Variants in CCT3 observed in about 807,000 individuals in gnomAD.
The protein encoded by CCT3 is T-complex protein 1 subunit gamma.
A neutral mutation model predicts 65.3 loss-of-function variants in CCT3; 10 were observed. The observed-to-expected ratio is 0.15, with a 90% CI of 0.09 to 0.26. The LOEUF is 0.26. Ranked by LOEUF, CCT3 falls within the 10% of genes least tolerant of loss-of-function variation. The probability of loss-of-function intolerance (pLI) is 1.00; values close to 1 mark genes in which losing one functional copy is unlikely to be tolerated. For synonymous variants in CCT3, 225 were observed against 242.3 expected, an observed-to-expected ratio of 0.93 and a Z score of 0.66; for missense variants, 626 against 708.7, an observed-to-expected ratio of 0.88 and a Z score of 1.33.
intron 4 of CCT3, among the ~76,000 whole-genome samples, chr1:156,334,362 T>C (rs1558274670): frequency 6.6e-6 from 1 of 152,036 alleles, no homozygotes; most frequent in Non-Finnish European, 1.5e-5. Flanking sequence ...TGAATTAGGG[T>C]GGGCTCGAAG....
At position 156,317,089 on chromosome 1, in the gene CCT3, G is replaced by C. The variant is rs930833022; in HGVS notation, c.974+77C>G. ...CTATATCCTTTATTAAACCTTTTCAGGTAATGATGACTGTTACGCAACTAC... is the reference window on the plus strand; with the variant it reads ...CTATATCCTTTATTAAACCTTTTCACGTAATGATGACTGTTACGCAACTAC... On this transcript the variant is annotated intron_variant, in intron 10 of 13. Coordinates refer to ENST00000295688, the MANE Select transcript of CCT3 (RefSeq NM_005998.5). The C allele has an allele frequency of 1.4e-5, 18 of 1,244,276 alleles. No homozygotes were observed. The African/African-American group carries it at 2.5e-4, about 17-fold the overall frequency. The allele number at this position is 1,244,276 out of a possible 1,614,324, so 77.1% of individuals were successfully genotyped here.
At chr1:156,319,111 TCA>T in intron 7 of CCT3, 94 bp from the exon 8 acceptor site, 1 of 1,151,622 alleles carries the variant, frequency 8.7e-7, no homozygotes, top group Middle Eastern at 2.1e-4. Flanking sequence ...AGCTAGTGTT[TCA>T]GGTTTTTTTT....
chr1:156,316,267 G>A (rs954506008), intron 10 of CCT3, among the ~76,000 whole-genome samples: 2 of 152,076 alleles, frequency 1.3e-5, no homozygotes, highest in Admixed American at 6.6e-5. Flanking sequence ...ATGTGTATAG[G>A]TTATACACAA....
intron 10 of CCT3, among the ~76,000 whole-genome samples, chr1:156,315,148 T>C (rs1333214979): frequency 6.6e-6 from 1 of 152,148 alleles, no homozygotes; most frequent in African/African-American, 2.4e-5. Context: ...ATGAAGATGA[T>C]GATGACCTTT....
At chr1:156,318,799 T>G (rs903332856) in intron 8 of CCT3, 69 bp downstream of exon 8, 30 of 1,509,520 alleles carry the variant, frequency 2.0e-5, no homozygotes, top group Admixed American at 5.5e-5. Context: ...ACATACGTTT[T>G]ATTTCTGTTG....
chr1:156,333,841 T>C (rs559360680), intron 4 of CCT3, among the ~76,000 whole-genome samples, 198 bp from the exon 5 acceptor site: 1 of 152,306 alleles, frequency 6.6e-6, no homozygotes, highest in East Asian at 1.9e-4. Flanking sequence ...GGAAAAAGTG[T>C]ATTACATGAA....
At chr1:156,320,794 T>C in intron 7 of CCT3, 45 bp downstream of exon 7, 1 of 1,306,234 alleles carries the variant, frequency 7.7e-7, no homozygotes, top group Non-Finnish European at 1.1e-6. Flanking sequence ...AGATGACTCA[T>C]GCTAACATAT....
chr1:156,338,082 G>C, intron 1 of CCT3, 72 bp downstream of exon 1: 2 of 1,511,326 alleles, frequency 1.3e-6, no homozygotes, highest in Non-Finnish European at 1.8e-6. Context: ...GGACGGAGCT[G>C]GGGCAACACT....
At chr1:156,331,625 G>C (rs954995813) in intron 5 of CCT3, among the ~76,000 whole-genome samples, 1 of 151,974 alleles carries the variant, frequency 6.6e-6, no homozygotes, top group African/African-American at 2.4e-5. Flanking sequence ...GGAGGTTGCA[G>C]TGAACTGAGA....
chr1:156,332,043 A>AAAAGGG (rs34561467), intron 5 of CCT3, among the ~76,000 whole-genome samples: 1 of 149,846 alleles, frequency 6.7e-6, no homozygotes, highest in African/African-American at 2.4e-5. Flanking sequence ...AAAAAAAAAA[A>AAAAGGG]GAGACATGGT....
chr1:156,333,899 T>C (rs1665218078), intron 4 of CCT3, among the ~76,000 whole-genome samples: 1 of 152,248 alleles, frequency 6.6e-6, no homozygotes, highest in African/African-American at 2.4e-5. Flanking sequence ...TTTTAGCTTA[T>C]TTACTGGAAG....
chr1:156,321,911 T>C (rs1004631559), intron 6 of CCT3, among the ~76,000 whole-genome samples: 6 of 152,186 alleles, frequency 3.9e-5, no homozygotes, highest in Non-Finnish European at 5.9e-5. Flanking sequence ...AATTATTAAA[T>C]GGTTGAATTA....
chr1:156,323,109 C>T (rs1664635250), intron 6 of CCT3, among the ~76,000 whole-genome samples: 1 of 151,906 alleles, frequency 6.6e-6, no homozygotes, highest in South Asian at 2.1e-4. Flanking sequence ...AAGTTTGAGA[C>T]CAGCCTGACC....
At chr1:156,335,927 GC>G in intron 1 of CCT3, 39 bp from the exon 2 acceptor site, 1 of 1,518,082 alleles carries the variant, frequency 6.6e-7, no homozygotes, top group Non-Finnish European at 9.1e-7. Context: ...GCCCAGGACT[GC>G]CCCATCGTAC....
intron 6 of CCT3, among the ~76,000 whole-genome samples, chr1:156,323,706 C>T (rs966288614): frequency 3.9e-5 from 6 of 151,984 alleles, no homozygotes; most frequent in Non-Finnish European, 8.8e-5. Flanking sequence ...ACCTCGTGAT[C>T]CGCCCGCCTC....
intron 5 of CCT3, among the ~76,000 whole-genome samples, chr1:156,332,246 T>G (rs1665132461): frequency 1.3e-5 from 2 of 152,168 alleles, no homozygotes; most frequent in African/African-American, 4.8e-5. Flanking sequence ...ACTCCTGACC[T>G]CGTGATCTGC....
chr1:156,320,324 C>T (rs1339413024), intron 7 of CCT3, among the ~76,000 whole-genome samples: 3 of 152,162 alleles, frequency 2.0e-5, no homozygotes, highest in African/African-American at 7.2e-5. Context: ...CAGGAGATCA[C>T]TCGAACCCGG....
intron 13 of CCT3, among the ~76,000 whole-genome samples, chr1:156,310,336 A>C (rs185274336): frequency 6.6e-6 from 1 of 151,864 alleles, no homozygotes; most frequent in Admixed American, 6.6e-5. Context: ...CTACTAAAAA[A>C]TACAAAAATT....
rs138492431 is a variant in CCT3, at chr1:156,328,865, TAAAAAA to T, written c.305-3782_305-3777del. ...CAAGAATGATCAATAAAAATAAAAA[TAAAAAA>T]AAAAAATGTACATGTTATTCATTAG... On this transcript the variant is annotated intron_variant, in intron 5 of 13. Transcript: ENST00000295688. 2.1e-5 allele frequency among the ~76,000 whole-genome samples: 3 copies of T among 146,004 alleles called. No individual in the cohort carries two copies. In the East Asian group the frequency reaches 6.0e-4, roughly 29 times the overall value.
Sources: gnomAD v4.1 joint callset for allele counts (sites outside exome capture counted in the v4.1 genomes callset) on GRCh38, gnomAD v4.1.1 for gene constraint, MANE v1.5 for transcripts, NCBI Gene and HGNC (gene_info 2026-07-23, HGNC 2026-07-21) for gene names.